ANP32A: variants seen among roughly 807,000 people sequenced by gnomAD.
ANP32A encodes acidic nuclear phosphoprotein 32 family member A, also known as acidic leucine-rich nuclear phosphoprotein 32 family member A.
ANP32A carries 1 observed loss-of-function variant against 33.9 expected under a neutral mutation model. The ratio of observed to expected loss-of-function variants is 0.03; its 90% CI spans 0.01 to 0.14. ANP32A has a LOEUF of 0.14. Among genes scored for constraint, ANP32A ranks in the 10% least tolerant of loss-of-function variants. ANP32A has a pLI of 1.00. For missense variants in ANP32A, 155 were observed against 306.0 expected (o/e 0.51, Z 3.68); for synonymous variants, 115 against 120.5 (o/e 0.95, Z 0.30).
At chr15:68,802,819 A>ATTTTTTTTTTTTTTTTTTTTT (rs1228755138) in intron 1 of ANP32A, among the ~76,000 whole-genome samples, 7 of 151,786 alleles carry the variant, frequency 4.6e-5, no homozygotes, top group Non-Finnish European at 1.0e-4. Flanking sequence ...TGCCCGGCTA[A>ATTTTTTTTTTTTTTTTTTTTT]TTTTTTATAT....
intron 1 of ANP32A, among the ~76,000 whole-genome samples, chr15:68,792,813 C>G (rs1241152451): frequency 6.6e-6 from 1 of 152,214 alleles, no homozygotes; most frequent in Non-Finnish European, 1.5e-5. Context: ...CTCTCTCCCC[C>G]AGGCCTCAGG....
intron 4 of ANP32A, among the ~76,000 whole-genome samples, chr15:68,784,047 G>T (rs1893902904): frequency 6.6e-6 from 1 of 152,172 alleles, no homozygotes; most frequent in African/African-American, 2.4e-5. Flanking sequence ...CCCACTCCCT[G>T]GGGGCTTTGG....
chr15:68,811,885 T>G (rs1324625911), intron 1 of ANP32A, among the ~76,000 whole-genome samples: 4 of 142,680 alleles, frequency 2.8e-5, no homozygotes, highest in Non-Finnish European at 6.1e-5. Flanking sequence ...TACAGGCACC[T>G]GCCACGACAC....
chr15:68,781,177 G>T (rs1893861987), intron 5 of ANP32A: 1 of 152,118 alleles, frequency 6.6e-6, no homozygotes, highest in Admixed American at 6.6e-5. Context: ...AAGTTTAAAA[G>T]AACTTGGTGA....
chr15:68,803,016 G>A (rs1418119061), intron 1 of ANP32A, among the ~76,000 whole-genome samples: 1 of 152,066 alleles, frequency 6.6e-6, no homozygotes, highest in African/African-American at 2.4e-5. Context: ...ACGCTCCTCA[G>A]AACTACTAAA....
intron 1 of ANP32A, among the ~76,000 whole-genome samples, chr15:68,819,209 C>T (rs977876934): frequency 6.6e-6 from 1 of 151,752 alleles, no homozygotes; most frequent in Non-Finnish European, 1.5e-5. Context: ...CCATGGAGCT[C>T]GGGCCACCGA....
intron 1 of ANP32A, among the ~76,000 whole-genome samples, chr15:68,798,393 G>A (rs923775197): frequency 6.6e-6 from 1 of 152,228 alleles, no homozygotes; most frequent in African/African-American, 2.4e-5. Flanking sequence ...CAGCCGTGGT[G>A]TAAGCGTCTG....
chr15:68,811,018 C>T (rs1477388580), intron 1 of ANP32A, among the ~76,000 whole-genome samples: 1 of 149,172 alleles, frequency 6.7e-6, no homozygotes, highest in African/African-American at 2.5e-5. Context: ...TGAGATCAAG[C>T]CACTGCGCAC....
intron 1 of ANP32A, chr15:68,801,711 T>C (rs1163628582): frequency 6.5e-6 from 1 of 154,050 alleles, no homozygotes; most frequent in Non-Finnish European, 1.5e-5. Context: ...ACCCGGAAAA[T>C]GTTCTGCCAT....
At chr15:68,794,146 T>A (rs1269078620) in intron 1 of ANP32A, among the ~76,000 whole-genome samples, 2 of 152,226 alleles carry the variant, frequency 1.3e-5, no homozygotes, top group East Asian at 3.9e-4. Context: ...CATCCCCAGC[T>A]TGGAAAAAGC....
intron 1 of ANP32A, among the ~76,000 whole-genome samples, chr15:68,817,905 C>G (rs1020767233): frequency 3.3e-5 from 5 of 152,170 alleles, no homozygotes; most frequent in African/African-American, 1.2e-4. Flanking sequence ...GCGACAACAG[C>G]CACGGTGACA....
chr15:68,795,506 C>T lies in ANP32A; in HGVS notation c.55-7587G>A, dbSNP rs556601386. On this transcript the variant is annotated intron_variant, in intron 1 of 6. Transcript: ENST00000465139. ...CTAAGCCGCCGGCGCGGGGAGGGCC[C>T]GCATTAACATAAACCCTGTGACTTG... is the stretch of plus-strand genomic sequence containing the variant. Among the ~76,000 whole-genome samples the T allele has an allele frequency of 1.3e-4, 20 of 152,326 alleles. No individual in the cohort carries two copies. The East Asian group carries it at 3.5e-3, about 27-fold the overall frequency.
chr15:68,787,908 A>G lies in ANP32A; in HGVS notation c.66T>C (p.Leu22=), dbSNP rs1424628651. The change falls in exon 2 of 7, where the codon CTT becomes CTC. Residue 22 remains leucine (L), a synonymous_variant. Transcript: ENST00000465139. ...CATTCGACCGACTGTTGTCCAGGAC[A>G]AGTTCTTTCACCTGAAAGAAGGCCC... ...RNRTPSDVKE[L]VLDNSRSNEG... 6.2e-7 allele frequency: 1 copy of G among 1,614,034 alleles called. No homozygotes were observed. The highest frequency in any genetic ancestry group is 8.5e-7 in the Non-Finnish European group (1 of 1,180,034).
chr15:68,793,349 TTCTTGTGCCCAAGACAAGCATAA>T (rs1224625309), intron 1 of ANP32A, among the ~76,000 whole-genome samples: 1 of 152,182 alleles, frequency 6.6e-6, no homozygotes, highest in Non-Finnish European at 1.5e-5. Flanking sequence ...TTTGGAGTCT[TTCTTGTGCCCAAGACAAGCATAA>T]GCCCCTGAGA....
chr15:68,814,887 C>G (rs187083421), intron 1 of ANP32A, among the ~76,000 whole-genome samples: 2 of 152,312 alleles, frequency 1.3e-5, no homozygotes, highest in East Asian at 3.9e-4. Context: ...AAGCTCTAAC[C>G]GTTGCAACCC....
intron 3 of ANP32A, among the ~76,000 whole-genome samples, chr15:68,786,252 CTTTTTTT>C (rs558065991): frequency 1.4e-4 from 13 of 90,120 alleles, no homozygotes; most frequent in East Asian, 3.2e-4. Context: ...GCTGCTGCTG[CTTTTTTT>C]TTTTTTTTTT....
At chr15:68,812,245 AC>A (rs1894322993) in intron 1 of ANP32A, among the ~76,000 whole-genome samples, 1 of 152,006 alleles carries the variant, frequency 6.6e-6, no homozygotes. Context: ...AGCAGGACAT[AC>A]CCCCACGCAG....
chr15:68,813,568 G>A (rs1294123710), intron 1 of ANP32A, among the ~76,000 whole-genome samples: 3 of 152,214 alleles, frequency 2.0e-5, no homozygotes, highest in East Asian at 3.8e-4. Flanking sequence ...AGGCAGTGGT[G>A]CTGGGGGACT....
chr15:68,780,216 G>A lies in ANP32A; in HGVS notation c.689-74C>T, dbSNP rs1399393000. 2 of 1,593,134 alleles carry A rather than the reference G, an allele frequency of 1.3e-6. No individual in the cohort carries two copies. Among genetic ancestry groups the A allele is most frequent in the East Asian group, 2.2e-5 (1 of 44,700 alleles). On this transcript the variant is annotated intron_variant, in intron 6 of 6. Transcript: ENST00000465139. The surrounding 1 kb of genome is among the most constrained non-coding windows in gnomAD (Gnocchi z 4.3). The stretch of plus-strand genomic sequence containing the variant: ...TTTAACTCAACCCACCCAGTGAGAA[G>A]TCAGGGGACCCATGACTAGCAAGCT...
Sources: allele counts gnomAD v4.1 joint callset (sites outside exome capture counted in the v4.1 genomes callset), GRCh38; gene constraint gnomAD v4.1.1; non-coding constraint Gnocchi (gnomAD v3.1); transcripts MANE v1.5; gene names NCBI Gene and HGNC (gene_info 2026-07-23, HGNC 2026-07-21).